The following MLXIPL variants were observed in gnomAD, a reference collection of about 807,000 sequenced individuals.
MLXIPL encodes the protein MLX interacting protein like.
Under a neutral mutation model 81.5 loss-of-function variants are expected in MLXIPL, and 49 were observed. The observed-to-expected ratio is 0.60, with a 90% CI of 0.48 to 0.76. The LOEUF (loss-of-function observed/expected upper bound fraction) is 0.76, where lower values mean the gene tolerates loss of function less well. Ranked by LOEUF, MLXIPL falls within the 30% of genes least tolerant of loss-of-function variation. The probability of loss-of-function intolerance (pLI) is 0.00; values close to 1 mark genes in which losing one functional copy is unlikely to be tolerated. For missense variants in MLXIPL, 1,053 were observed against 1,167.0 expected (o/e 0.90, Z 1.42); for synonymous variants, 466 against 485.5 (o/e 0.96, Z 0.53).
At chr7:73,613,934 C>T (rs930312854) in intron 2 of MLXIPL, among the ~76,000 whole-genome samples, 40 of 152,220 alleles carry the variant, frequency 2.6e-4, no homozygotes, top group Non-Finnish European at 5.1e-4. Flanking sequence ...GTCAGGAGTT[C>T]GAGACCAGCC....
At chr7:73,602,446 G>A (rs1452244734) in intron 7 of MLXIPL, among the ~76,000 whole-genome samples, 1 of 151,026 alleles carries the variant, frequency 6.6e-6, no homozygotes, top group Non-Finnish European at 1.5e-5. Context: ...TGAGGTGGAC[G>A]GATCACCTGA....
At chr7:73,640,515 G>A in the MLXIPL span, among the ~76,000 whole-genome samples, 1,883 of 151,964 alleles carry the variant, frequency 0.012, 38 homozygotes, top group African/African-American at 0.042. Flanking sequence ...GGTGGCTCAC[G>A]CTTGTAATCC....
upstream of MLXIPL, among the ~76,000 whole-genome samples, chr7:73,627,250 CT>C (rs869038650): frequency 6.6e-3 from 888 of 133,870 alleles, 4 homozygotes; most frequent in African/African-American, 0.014. Context: ...AAGTGGCCCT[CT>C]TTTTTTTTTT....
the MLXIPL span, among the ~76,000 whole-genome samples, chr7:73,640,936 A>C: frequency 6.6e-6 from 1 of 152,116 alleles, no homozygotes; most frequent in African/African-American, 2.4e-5. Flanking sequence ...CTGAGCAGAC[A>C]CTGGGAAGAC....
rs1280467681 is a variant in MLXIPL, at chr7:73,624,124, C to A, written c.293+76G>T. 8 of 1,464,516 alleles carry A rather than the reference C, an allele frequency of 5.5e-6. No individual in the cohort carries two copies. In the East Asian group the frequency reaches 1.8e-4, roughly 32 times the overall value. The allele number at this position is 1,464,516 out of a possible 1,614,324, so 90.7% of individuals were successfully genotyped here. On this transcript the variant is annotated intron_variant, in intron 1 of 16. Transcript: ENST00000313375. The stretch of plus-strand genomic sequence containing the variant: ...TCGGGTGGGGTGTTGAGGGCCCCAG[C>A]GCGCAGTCCTGCCCCGGACCCCCCC...
chr7:73,608,001 C>T (rs886364816), intron 2 of MLXIPL, among the ~76,000 whole-genome samples: 8 of 151,722 alleles, frequency 5.3e-5, no homozygotes, highest in South Asian at 4.2e-4. Flanking sequence ...GGATTACAGG[C>T]GCCCACGACC....
rs372764650 is a variant in MLXIPL, at chr7:73,596,908, G to A, written c.1628C>T (p.Pro543Leu). The A allele has an allele frequency of 1.2e-6, 2 of 1,610,546 alleles. No individual in the cohort carries two copies. Among genetic ancestry groups the A allele is most frequent in the African/African-American group, 2.7e-5 (2 of 74,834 alleles). ...GAGGAGGGTGCTGGATACAAGTGGTGGCTCCAGGGCTTGCTCCGGCTTAGC... is the reference window on the plus strand; with the variant it reads ...GAGGAGGGTGCTGGATACAAGTGGTAGCTCCAGGGCTTGCTCCGGCTTAGC... ...TAAKPEQALE[P>L]PLVSSTLLRS... The change falls in exon 10 of 17, where the codon CCA becomes CTA. Residue 543 changes from proline (P) to leucine (L), a missense_variant. By Grantham distance (98) the Pro-to-Leu change is moderately conservative (BLOSUM62 -3). Coordinates refer to ENST00000313375, the MANE Select transcript of MLXIPL (RefSeq NM_032951.3). The surrounding 1 kb of genome is among the most constrained non-coding windows in gnomAD (Gnocchi z 4.7).
chr7:73,626,347 G>C (rs555508029), upstream of MLXIPL, among the ~76,000 whole-genome samples: 1 of 152,174 alleles, frequency 6.6e-6, no homozygotes, highest in African/African-American at 2.4e-5. Flanking sequence ...CTGTCACCCA[G>C]GCTGGAGTGC....
rs1396136891 is a variant in MLXIPL, at chr7:73,623,147, T to C, written c.293+1053A>G. On this transcript the variant is annotated intron_variant, in intron 1 of 16. Coordinates refer to ENST00000313375, the MANE Select transcript of MLXIPL (RefSeq NM_032951.3). This position sits in a 1 kb window ranked among gnomAD's most constrained non-coding sequence, Gnocchi z 5.7. ...TGGGGTCGCAGCTGGGCGGCTGCGG[T>C]TGGGGGCAGGCAACACTCCCCTCAC... 4.6e-5 allele frequency among the ~76,000 whole-genome samples: 7 copies of C among 151,984 alleles called. No individual in the cohort carries two copies. Among genetic ancestry groups the C allele is most frequent in the Non-Finnish European group, 8.8e-5 (6 of 67,992 alleles).
chr7:73,607,313 T>C lies in MLXIPL; in HGVS notation c.573+18A>G, dbSNP rs782290880. ...CAGGAGGAAAGCTCTGGGGCCTCCCTGGCCCTCCCCCACTGACCCGCTTCT... is the reference window on the plus strand; with the variant it reads ...CAGGAGGAAAGCTCTGGGGCCTCCCCGGCCCTCCCCCACTGACCCGCTTCT... On this transcript the variant is annotated intron_variant, in intron 4 of 16. Coordinates refer to ENST00000313375, the MANE Select transcript of MLXIPL (RefSeq NM_032951.3). 5 of 1,554,494 alleles carry C rather than the reference T, an allele frequency of 3.2e-6. No homozygotes were observed. The highest frequency in any genetic ancestry group is 1.9e-5 in the Admixed American group (1 of 51,546).
chr7:73,625,224 G>A (rs1554603525), upstream of MLXIPL, among the ~76,000 whole-genome samples: 6 of 152,022 alleles, frequency 3.9e-5, no homozygotes, highest in Admixed American at 6.6e-5. Context: ...GCCTGAAAGC[G>A]CCTCAGGACC....
At chr7:73,605,156 A>G (rs1224607028) in intron 7 of MLXIPL, among the ~76,000 whole-genome samples, 1 of 152,208 alleles carries the variant, frequency 6.6e-6, no homozygotes, top group Non-Finnish European at 1.5e-5. Context: ...CCCAGCCTTC[A>G]CTGCTTTCTT....
chr7:73,621,178 T>C (rs1288749486), intron 1 of MLXIPL, among the ~76,000 whole-genome samples: 1 of 151,914 alleles, frequency 6.6e-6, no homozygotes, highest in Admixed American at 6.6e-5. Flanking sequence ...GAATTCCTTT[T>C]AGATTGCCCC....
chr7:73,624,969 G>A (rs1796650109), upstream of MLXIPL, among the ~76,000 whole-genome samples: 1 of 152,034 alleles, frequency 6.6e-6, no homozygotes, highest in African/African-American at 2.4e-5. Context: ...GCTGAGGTGG[G>A]AGGATTCCTT....
chr7:73,598,975 C>T (rs1246900086), intron 8 of MLXIPL, among the ~76,000 whole-genome samples: 4 of 150,992 alleles, frequency 2.6e-5, no homozygotes, highest in African/African-American at 4.9e-5. Context: ...AAAAATAAGC[C>T]GGAAATCGCT....
intron 2 of MLXIPL, among the ~76,000 whole-genome samples, chr7:73,615,002 G>C (rs1462393178): frequency 1.3e-5 from 2 of 152,046 alleles, no homozygotes; most frequent in Non-Finnish European, 2.9e-5. Context: ...AGTAGACACC[G>C]GGTTTCACTG....
rs1454040463 is a variant in MLXIPL, at chr7:73,623,737, A to G, written c.293+463T>C. ...GGGCGCTGGGAGTATCTCAGGGTCC[A>G]GGAATAGGGCGGGCTTGGGCCGGGG... On this transcript the variant is annotated intron_variant, in intron 1 of 16. Coordinates refer to ENST00000313375, the MANE Select transcript of MLXIPL (RefSeq NM_032951.3). This position sits in a 1 kb window ranked among gnomAD's most constrained non-coding sequence, Gnocchi z 5.7. Among the ~76,000 whole-genome samples, 1 of 151,786 alleles carries G rather than the reference A, an allele frequency of 6.6e-6. No homozygotes were observed. Among genetic ancestry groups the G allele is most frequent in the Non-Finnish European group, 1.5e-5 (1 of 67,938 alleles).
chr7:73,607,772 G>T, intron 2 of MLXIPL, 100 bp from the exon 3 acceptor site: 3 of 1,037,066 alleles, frequency 2.9e-6, no homozygotes, highest in Non-Finnish European at 2.9e-6. Flanking sequence ...ATCCTGCTTG[G>T]CCTTTGACGT....
the MLXIPL span, among the ~76,000 whole-genome samples, chr7:73,647,798 G>A: frequency 1.3e-5 from 2 of 151,426 alleles, no homozygotes; most frequent in Admixed American, 6.6e-5. Context: ...GACCTGCAGA[G>A]GGGCGCGGCG....
Sources: gnomAD v4.1 joint callset for allele counts (sites outside exome capture counted in the v4.1 genomes callset) on GRCh38, gnomAD v4.1.1 for gene constraint, Gnocchi (gnomAD v3.1) non-coding constraint, MANE v1.5 for transcripts, NCBI Gene and HGNC (gene_info 2026-07-23, HGNC 2026-07-21) for gene names.